Variants in ZNF695 observed in about 807,000 individuals in gnomAD.
ZNF695 encodes zinc finger protein 695.
A neutral mutation model predicts 11.2 loss-of-function variants in ZNF695; 11 were observed. That is an observed-to-expected ratio of 0.98 (90% CI 0.62 to 1.62). The LOEUF (loss-of-function observed/expected upper bound fraction) is 1.62, where lower values mean the gene tolerates loss of function less well. ZNF695 is among the 40% of genes most tolerant of loss of function. The pLI, the probability that ZNF695 is intolerant of heterozygous loss-of-function variation, is 0.00. For synonymous variants in ZNF695, 190 were observed against 201.4 expected, an observed-to-expected ratio of 0.94 and a Z score of 0.48; for missense variants, 559 against 590.5, an observed-to-expected ratio of 0.95 and a Z score of 0.55.
At chr1:246,964,826 G>A (rs1057029695) in intron 5 of ZNF695, among the ~76,000 whole-genome samples, 5 of 152,116 alleles carry the variant, frequency 3.3e-5, no homozygotes, top group South Asian at 2.1e-4. Flanking sequence ...AGCTGAGATC[G>A]CGGCACTGCA....
downstream of ZNF695, among the ~76,000 whole-genome samples, chr1:246,982,524 G>T (rs918440218): frequency 6.6e-6 from 1 of 152,160 alleles, no homozygotes; most frequent in African/African-American, 2.4e-5. Context: ...ACAATACATA[G>T]TCCAATATTA....
intron 5 of ZNF695, among the ~76,000 whole-genome samples, chr1:246,946,226 C>T (rs546786722): frequency 6.6e-6 from 1 of 152,286 alleles, no homozygotes; most frequent in South Asian, 2.1e-4. Context: ...TGATTGCTTT[C>T]TGATTTTTCT....
In ZNF695 at chr1:246,986,841, GACTGTAAAT is replaced by G; in HGVS notation, c.*117_*125del. The G allele has an allele frequency of 6.9e-7, 1 of 1,439,604 alleles. No homozygotes were observed. The highest frequency in any genetic ancestry group is 9.1e-7 in the Non-Finnish European group (1 of 1,099,190). 89.2% of individuals were successfully genotyped at this position (1,439,604 alleles called of 1,614,324 possible). ...ATTTTAGTGCACTCAAAGGCTCATA[GACTGTAAAT>G]GGCCTTTTGACAGTCATTACATTTG... On this transcript the variant is annotated 3_prime_UTR_variant, in exon 4 of 4. Coordinates refer to ENST00000339986, the MANE Select transcript of ZNF695 (RefSeq NM_020394.5).
At chr1:246,962,619 G>C (rs1668189410) in intron 5 of ZNF695, among the ~76,000 whole-genome samples, 1 of 152,008 alleles carries the variant, frequency 6.6e-6, no homozygotes, top group Admixed American at 6.6e-5. Context: ...GATGTTTTCT[G>C]CAAGAGTGAT....
Position 246,986,490 on chromosome 1 carries a change from G to A in ZNF695, c.*477C>T. On this transcript the variant is annotated 3_prime_UTR_variant, in exon 4 of 4. Transcript: ENST00000339986. ...CAGATTTACAGTAATGTCTGAAAGT[G>A]TCAGTGACTTAGTGCTTTTTACTAT... The A allele has an allele frequency of 1.0e-6, 1 of 987,422 alleles. No individual in the cohort carries two copies. Among genetic ancestry groups the A allele is most frequent in the Non-Finnish European group, 1.2e-6 (1 of 831,346 alleles). 61.2% of individuals were successfully genotyped at this position (987,422 alleles called of 1,614,324 possible).
rs551786091 is a variant in ZNF695 at position 246,986,157 on chromosome 1, C to A, written c.*810G>T. The stretch of plus-strand genomic sequence containing the variant: ...AGATAGCAGCTCACTGCATCCTCAA[C>A]CTCCAGGCTCAAGCAATCCTCCCAC... On this transcript the variant is annotated 3_prime_UTR_variant, in exon 4 of 4. Transcript: ENST00000339986. 2.9e-5 allele frequency: 18 copies of A among 627,304 alleles called. No homozygotes were observed. In the African/African-American group the frequency reaches 3.2e-4, roughly 11 times the overall value. 38.9% of individuals were successfully genotyped at this position (627,304 alleles called of 1,614,324 possible). A position where few individuals can be genotyped will look rare whatever the true frequency, so the allele number is the denominator to read the frequency against.
At chr1:246,982,735 G>A (rs575912838), downstream of ZNF695, among the ~76,000 whole-genome samples, 27 of 152,304 alleles carry the variant, frequency 1.8e-4, no homozygotes, top group East Asian at 4.4e-3. Flanking sequence ...CACTTTGGGA[G>A]GCCGAGGCGG....
rs564138599 is a variant in ZNF695 at position 246,973,678 on chromosome 1, C to A, written c.391-5886G>T. Among the ~76,000 whole-genome samples the A allele has an allele frequency of 2.6e-5, 4 of 152,266 alleles. No homozygotes were observed. In the East Asian group the frequency reaches 7.7e-4, roughly 29 times the overall value. On this transcript the variant is annotated intron_variant, in intron 4 of 5. Transcript: ENST00000487338. ...CAGGCATTTTGCCCAGATTCGTACACAATTATCTTGTTTAAGCCTCATAAC... is the reference window on the plus strand; with the variant it reads ...CAGGCATTTTGCCCAGATTCGTACAAAATTATCTTGTTTAAGCCTCATAAC...
intron 5 of ZNF695, among the ~76,000 whole-genome samples, chr1:246,952,748 T>A (rs1268312969): frequency 1.3e-5 from 2 of 151,992 alleles, no homozygotes; most frequent in African/African-American, 4.8e-5. Flanking sequence ...ATTCATCTTT[T>A]ATTCCTCAAC....
chr1:246,948,912 A>C (rs1667803804), intron 5 of ZNF695, among the ~76,000 whole-genome samples: 1 of 152,188 alleles, frequency 6.6e-6, no homozygotes, highest in Non-Finnish European at 1.5e-5. Context: ...CACCTCACAG[A>C]GCTGTTCTGA....
chr1:246,978,269 G>A (rs906361187), intron 4 of ZNF695, among the ~76,000 whole-genome samples: 7 of 152,130 alleles, frequency 4.6e-5, no homozygotes, highest in African/African-American at 1.7e-4. Flanking sequence ...GTAAGCAAAT[G>A]GAATGCTTAT....
At chr1:246,953,700 G>T (rs1667921831) in intron 5 of ZNF695, among the ~76,000 whole-genome samples, 2 of 152,134 alleles carry the variant, frequency 1.3e-5, no homozygotes, top group South Asian at 4.2e-4. Flanking sequence ...AGGTAGGTGG[G>T]TCACCTGAGG....
In ZNF695 at chr1:246,986,192, C is replaced by A; in HGVS notation, c.*775G>T. On this transcript the variant is annotated 3_prime_UTR_variant, in exon 4 of 4. Coordinates refer to ENST00000339986, the MANE Select transcript of ZNF695 (RefSeq NM_020394.5). ...CAAGCAATCCTCCCACCTGAGCCTT[C>A]CAAGTAGCTGGGACAACAGGCATGT... 1 of 511,322 alleles carries A rather than the reference C, an allele frequency of 2.0e-6. No homozygotes were observed. Among genetic ancestry groups the A allele is most frequent in the Non-Finnish European group, 2.5e-6 (1 of 396,940 alleles). The allele number at this position is 511,322 out of a possible 1,614,324, so 31.7% of individuals were successfully genotyped here.
At position 246,988,413 on chromosome 1, in the gene ZNF695, G is replaced by T. The variant is rs540121024; in HGVS notation, c.260-158C>A. ...CATAATCCTAACAAAAATATACTAA[G>T]CAAAATGCCATTATGAGAATCCTAA... On this transcript the variant is annotated intron_variant, in intron 3 of 3. Coordinates refer to ENST00000339986, the MANE Select transcript of ZNF695 (RefSeq NM_020394.5). Among the ~76,000 whole-genome samples the T allele has an allele frequency of 1.2e-4, 18 of 151,940 alleles. No individual in the cohort carries two copies. In the East Asian group the frequency reaches 3.3e-3, roughly 28 times the overall value.
intron 4 of ZNF695, among the ~76,000 whole-genome samples, chr1:246,977,762 T>C (rs1668606927): frequency 6.6e-6 from 1 of 152,234 alleles, no homozygotes; most frequent in Admixed American, 6.5e-5. Context: ...TCAGAACATA[T>C]GAGGTGTACT....
chr1:246,967,540 C>T (rs1281761889), intron 5 of ZNF695: 3 of 439,622 alleles, frequency 6.8e-6, no homozygotes, highest in Non-Finnish European at 1.4e-5. Flanking sequence ...GATGAAGTTG[C>T]CACTAGCTGA....
rs1301856451 is a variant in ZNF695 at position 246,953,906 on chromosome 1, A to T, written c.489-8079T>A. ...ACGCCACTGCACTCCAGCCTGGGCG[A>T]CAGAGTGAGACTGTCTCAAAACAAA... On this transcript the variant is annotated intron_variant, in intron 5 of 5. Coordinates refer to the ZNF695 transcript ENST00000487338. Among the ~76,000 whole-genome samples the T allele has an allele frequency of 2.0e-5, 3 of 151,074 alleles. No homozygotes were observed. The East Asian group carries it at 5.8e-4, about 29-fold the overall frequency.
downstream of ZNF695, among the ~76,000 whole-genome samples, chr1:246,982,590 T>C (rs1304431086): frequency 6.6e-6 from 1 of 152,212 alleles, no homozygotes; most frequent in Non-Finnish European, 1.5e-5. Flanking sequence ...GTGTCAGGAT[T>C]TTAAAATATT....
chr1:246,966,384 G>A (rs1044541255), intron 5 of ZNF695, among the ~76,000 whole-genome samples: 7 of 152,158 alleles, frequency 4.6e-5, no homozygotes, highest in African/African-American at 1.2e-4. Context: ...GGGAGGCTGA[G>A]GCAGGAGAAT....
Sources: allele counts gnomAD v4.1 joint callset (sites outside exome capture counted in the v4.1 genomes callset), GRCh38; gene constraint gnomAD v4.1.1; transcripts MANE v1.5; gene names NCBI Gene and HGNC (gene_info 2026-07-23, HGNC 2026-07-21).